Variants in RALGPS1 observed in about 807,000 individuals in gnomAD.
The protein encoded by RALGPS1 is Ral GEF with PH domain and SH3 binding motif 1.
In RALGPS1, 19 loss-of-function variants were observed where a neutral mutation model predicts 78.8. The ratio of observed to expected loss-of-function variants is 0.24; its 90% CI spans 0.17 to 0.35. The LOEUF is 0.35. RALGPS1 is among the 10% of genes least tolerant of loss of function. The pLI, the probability that RALGPS1 is intolerant of heterozygous loss-of-function variation, is 1.00. For missense variants in RALGPS1, 454 were observed against 688.3 expected (o/e 0.66, Z 3.81); for synonymous variants, 228 against 256.3 (o/e 0.89, Z 1.06).
intron 4 of RALGPS1, chr9:127,016,931 C>T (rs2044889522): frequency 1.3e-5 from 2 of 152,052 alleles, no homozygotes; most frequent in African/African-American, 4.8e-5. Flanking sequence ...TCAGTTAGAG[C>T]TGTGTTGTCT....
At chr9:127,022,045 T>C (rs2045505034) in intron 4 of RALGPS1, among the ~76,000 whole-genome samples, 1 of 152,140 alleles carries the variant, frequency 6.6e-6, no homozygotes, top group Non-Finnish European at 1.5e-5. Flanking sequence ...GTAAATGAGT[T>C]GTTATTCTAT....
chr9:127,198,981 C>G (rs1403733067), intron 13 of RALGPS1, 34 bp from the exon 14 acceptor site: 5 of 1,601,012 alleles, frequency 3.1e-6, no homozygotes, highest in Non-Finnish European at 4.3e-6. Context: ...TTCTGTGAAG[C>G]CGTTGTGCTC....
intron 1 of RALGPS1, among the ~76,000 whole-genome samples, chr9:126,960,621 A>G (rs1178218641): frequency 6.6e-6 from 1 of 152,128 alleles, no homozygotes; most frequent in Non-Finnish European, 1.5e-5. Context: ...CAATATCATC[A>G]GGCTGACTTT....
intron 8 of RALGPS1, chr9:127,108,303 G>C: frequency 1.2e-6 from 2 of 1,613,898 alleles, no homozygotes; most frequent in Non-Finnish European, 1.7e-6. Flanking sequence ...GGATGATCTC[G>C]TGCAGGAGCT....
At chr9:126,950,894 G>A (rs1245166798) in intron 1 of RALGPS1, among the ~76,000 whole-genome samples, 1 of 150,454 alleles carries the variant, frequency 6.6e-6, no homozygotes, top group Non-Finnish European at 1.5e-5. Flanking sequence ...TTTTTTGAAA[G>A]GATCAACAAA....
intron 1 of RALGPS1, among the ~76,000 whole-genome samples, chr9:126,926,422 G>A (rs2035285431): frequency 6.6e-6 from 1 of 152,188 alleles, no homozygotes; most frequent in African/African-American, 2.4e-5. Context: ...AGGTGAAGCA[G>A]GATACAGGCA....
At chr9:127,144,903 G>C (rs1027244399) in intron 8 of RALGPS1, among the ~76,000 whole-genome samples, 1 of 152,188 alleles carries the variant, frequency 6.6e-6, no homozygotes. Flanking sequence ...TGAAGAAAAT[G>C]TTCCAGAACA....
intron 3 of RALGPS1, among the ~76,000 whole-genome samples, chr9:126,976,036 C>T (rs1480744347): frequency 2.6e-5 from 4 of 152,132 alleles, no homozygotes; most frequent in Non-Finnish European, 4.4e-5. Flanking sequence ...GCCTGTATCC[C>T]GTGCTTCTCA....
At chr9:126,974,278 C>T (rs1018718500) in intron 3 of RALGPS1, among the ~76,000 whole-genome samples, 2 of 152,204 alleles carry the variant, frequency 1.3e-5, no homozygotes, top group South Asian at 2.1e-4. Flanking sequence ...CATCCCCTGA[C>T]TCTTTTCTAA....
In RALGPS1 at chr9:127,191,688, G is replaced by T. The variant is rs547609244; in HGVS notation, c.911-3403G>T. Among the ~76,000 whole-genome samples, 184 of 145,326 alleles carry T rather than the reference G, an allele frequency of 1.3e-3. 1 individual carries two copies. The highest frequency in any genetic ancestry group is 4.4e-3 in the African/African-American group (175 of 39,444). On this transcript the variant is annotated intron_variant, in intron 11 of 18. Coordinates refer to ENST00000259351, the MANE Select transcript of RALGPS1 (RefSeq NM_014636.3). ...TCAGGTTTTTTTGTTTTTGTTTTTTGGGTTTTTTTTTGTTTTTTTTTTTTT... is the reference window on the plus strand; with the variant it reads ...TCAGGTTTTTTTGTTTTTGTTTTTTTGGTTTTTTTTTGTTTTTTTTTTTTT...
At chr9:127,071,613 A>G (rs1319794126) in intron 8 of RALGPS1, among the ~76,000 whole-genome samples, 1 of 152,040 alleles carries the variant, frequency 6.6e-6, no homozygotes, top group African/African-American at 2.4e-5. Flanking sequence ...TCACTTTAAT[A>G]TAGAAAACAG....
chr9:127,186,956 G>A (rs2060689210), intron 11 of RALGPS1, among the ~76,000 whole-genome samples: 1 of 152,180 alleles, frequency 6.6e-6, no homozygotes, highest in African/African-American at 2.4e-5. Context: ...GGGAATCGGA[G>A]CTAGAGGCAG....
chr9:127,175,833 C>G (rs1188864274), intron 11 of RALGPS1, among the ~76,000 whole-genome samples: 1 of 152,124 alleles, frequency 6.6e-6, no homozygotes, highest in Admixed American at 6.5e-5. Context: ...CTACAAGCTG[C>G]TACGTGGTGC....
intron 8 of RALGPS1, among the ~76,000 whole-genome samples, chr9:127,086,705 T>C (rs1485862750): frequency 6.6e-6 from 1 of 152,220 alleles, no homozygotes; most frequent in Non-Finnish European, 1.5e-5. Flanking sequence ...GCAGAAAATT[T>C]GAGTTCTGAA....
rs2062701696 is a variant in RALGPS1 at position 127,218,917 on chromosome 9, TC to T, written c.*151del. 3 of 875,558 alleles carry T rather than the reference TC, an allele frequency of 3.4e-6. No homozygotes were observed. Among genetic ancestry groups the T allele is most frequent in the African/African-American group, 3.3e-5 (2 of 60,124 alleles). 54.2% of individuals were successfully genotyped at this position (875,558 alleles called of 1,614,324 possible). ...GGGGACACGGCCTGTGGCCTCACCA[TC>T]CCAGAGGGCTTCACCAGTGTGGGAT... On this transcript the variant is annotated 3_prime_UTR_variant, in exon 19 of 19. Coordinates refer to ENST00000259351, the MANE Select transcript of RALGPS1 (RefSeq NM_014636.3). This position sits in a 1 kb window ranked among gnomAD's most constrained non-coding sequence, Gnocchi z 4.4.
chr9:127,182,449 T>G (rs1026836079), intron 11 of RALGPS1, among the ~76,000 whole-genome samples: 1 of 137,932 alleles, frequency 7.2e-6, no homozygotes, highest in African/African-American at 3.2e-5. Context: ...TTTTTTTTTT[T>G]GACGGAGTCT....
At chr9:127,079,354 C>T (rs1235680028) in intron 8 of RALGPS1, among the ~76,000 whole-genome samples, 1 of 152,220 alleles carries the variant, frequency 6.6e-6, no homozygotes, top group Non-Finnish European at 1.5e-5. Context: ...TCAAGACCAA[C>T]CTGGAGCCAT....
At chr9:127,097,039 C>A (rs1197990644) in intron 8 of RALGPS1, among the ~76,000 whole-genome samples, 1 of 152,198 alleles carries the variant, frequency 6.6e-6, no homozygotes, top group Non-Finnish European at 1.5e-5. Context: ...CCAGAACGAA[C>A]TCAAGAATGA....
chr9:127,210,432 GA>G, intron 14 of RALGPS1: 9 of 521,764 alleles, frequency 1.7e-5, no homozygotes, highest in East Asian at 3.3e-5. Context: ...CTTGACACTG[GA>G]AAAAGGGTGA....
Sources: gnomAD v4.1 joint callset for allele counts (sites outside exome capture counted in the v4.1 genomes callset) on GRCh38, gnomAD v4.1.1 for gene constraint, Gnocchi (gnomAD v3.1) non-coding constraint, MANE v1.5 for transcripts, NCBI Gene and HGNC (gene_info 2026-07-23, HGNC 2026-07-21) for gene names.